Variants in ZZZ3 observed in about 807,000 individuals in gnomAD.
ZZZ3 encodes zinc finger ZZ-type containing 3, also known as ZZ-type zinc finger-containing protein 3.
Under a neutral mutation model 95.2 loss-of-function variants are expected in ZZZ3, and 22 were observed. That is an observed-to-expected ratio of 0.23 (90% CI 0.17 to 0.33). The LOEUF is 0.33. ZZZ3 is among the 10% of genes least tolerant of loss of function. ZZZ3 has a pLI of 1.00. For synonymous variants in ZZZ3, 335 were observed against 358.9 expected (o/e 0.93, Z 0.75); for missense variants, 885 against 1,066.5 (o/e 0.83, Z 2.37).
At chr1:77,658,178 CAAAAAAAAAA>C (rs1186224710) in intron 1 of ZZZ3, among the ~76,000 whole-genome samples, 3 of 76,324 alleles carry the variant, frequency 3.9e-5, no homozygotes, top group Admixed American at 1.7e-4. Flanking sequence ...GACTTTGTCT[CAAAAAAAAAA>C]AAAAAAAAAA....
Position 77,565,506 on chromosome 1 carries a change from A to G in ZZZ3, c.*134T>C. The G allele has an allele frequency of 1.1e-6, 1 of 893,968 alleles. No individual in the cohort carries two copies. The highest frequency in any genetic ancestry group is 1.7e-6 in the Non-Finnish European group (1 of 587,352). 55.4% of individuals were successfully genotyped at this position (893,968 alleles called of 1,614,324 possible). A position where few individuals can be genotyped will look rare whatever the true frequency, so the allele number is the denominator to read the frequency against. On this transcript the variant is annotated 3_prime_UTR_variant, in exon 15 of 15. Transcript: ENST00000370801. ...ACGGTGCAGAGCTGTACTTGACGAG[A>G]ACACTCAGGAAGCTCTCATGCTGTG... is the stretch of plus-strand genomic sequence containing the variant.
intron 1 of ZZZ3, among the ~76,000 whole-genome samples, chr1:77,654,495 T>C (rs1324284664): frequency 6.6e-6 from 1 of 152,020 alleles, no homozygotes; most frequent in Non-Finnish European, 1.5e-5. Context: ...ACAAACCAAA[T>C]ATAATAATAT....
chr1:77,681,588 A>G (rs1323976691), intron 1 of ZZZ3, among the ~76,000 whole-genome samples: 1 of 152,136 alleles, frequency 6.6e-6, no homozygotes, highest in African/African-American at 2.4e-5. Context: ...CTTTACTAAA[A>G]AGTTGACCTG....
intron 1 of ZZZ3, among the ~76,000 whole-genome samples, chr1:77,681,459 G>A: frequency 6.6e-6 from 1 of 152,040 alleles, no homozygotes; most frequent in East Asian, 1.9e-4. Context: ...AAAAAACAAA[G>A]GTATACTGTA....
intron 5 of ZZZ3, among the ~76,000 whole-genome samples, chr1:77,625,708 A>C (rs1340002858): frequency 6.6e-6 from 1 of 152,078 alleles, no homozygotes; most frequent in Non-Finnish European, 1.5e-5. Context: ...GAAAAGGTTA[A>C]GCCAGGCATG....
Position 77,562,529 on chromosome 1 carries a change from C to A in ZZZ3, c.*3111G>T, listed in dbSNP as rs917510686. On this transcript the variant is annotated 3_prime_UTR_variant, in exon 15 of 15. Transcript: ENST00000370801. ...ATGTGATGTACCATTTTCTCTATTC[C>A]ATTTTTTCAAATGTTCATACCTAGT... The A allele has an allele frequency of 2.0e-5, 3 of 152,080 alleles. No homozygotes were observed. Among genetic ancestry groups the A allele is most frequent in the Non-Finnish European group, 4.4e-5 (3 of 68,014 alleles). 9.4% of individuals were successfully genotyped at this position (152,080 alleles called of 1,614,324 possible).
intron 5 of ZZZ3, among the ~76,000 whole-genome samples, chr1:77,629,904 A>G (rs1053671122): frequency 2.0e-5 from 3 of 152,258 alleles, no homozygotes; most frequent in African/African-American, 7.2e-5. Context: ...TGAATGTGGA[A>G]TATCAATGTT....
At chr1:77,584,856 C>T in intron 5 of ZZZ3, 1 of 360,496 alleles carries the variant, frequency 2.8e-6, no homozygotes, top group Non-Finnish European at 4.9e-6. Flanking sequence ...TTAGAGAAAG[C>T]AAAGCCTTCT....
intron 1 of ZZZ3, among the ~76,000 whole-genome samples, chr1:77,648,340 T>A (rs1669481245): frequency 1.6e-5 from 2 of 127,892 alleles, no homozygotes; most frequent in Admixed American, 8.5e-5. Flanking sequence ...CAGAGTGAAA[T>A]CTTGCCTCAA....
chr1:77,566,246 C>T (rs1031031157), intron 13 of ZZZ3, 65 bp from the exon 14 acceptor site: 2 of 1,120,280 alleles, frequency 1.8e-6, no homozygotes, highest in East Asian at 2.6e-5. Flanking sequence ...TTATTTTCCA[C>T]AAGGAAACAC....
intron 4 of ZZZ3, among the ~76,000 whole-genome samples, chr1:77,636,782 T>C (rs1459824633): frequency 1.3e-5 from 2 of 150,150 alleles, no homozygotes; most frequent in Non-Finnish European, 3.0e-5. Flanking sequence ...GATTAAAATA[T>C]GAAAACACTG....
At chr1:77,601,012 A>T (rs1664679278) in intron 5 of ZZZ3, among the ~76,000 whole-genome samples, 1 of 152,212 alleles carries the variant, frequency 6.6e-6, no homozygotes, top group Non-Finnish European at 1.5e-5. Context: ...CAGAACAAGA[A>T]GAATGGATTA....
In ZZZ3 at chr1:77,565,625, A is replaced by G; in HGVS notation, c.*15T>C. The G allele has an allele frequency of 6.2e-7, 1 of 1,611,932 alleles. No homozygotes were observed. The highest frequency in any genetic ancestry group is 8.5e-7 in the Non-Finnish European group (1 of 1,178,854). On this transcript the variant is annotated 3_prime_UTR_variant, in exon 15 of 15. Transcript: ENST00000370801. ...ATGTGTTGAAGAGGACTAGTAAATG[A>G]TGTTCTCTTCCATGTCATCTGTTTG...
chr1:77,571,255 C>T (rs921086046), intron 12 of ZZZ3, among the ~76,000 whole-genome samples: 2 of 152,014 alleles, frequency 1.3e-5, no homozygotes, highest in Non-Finnish European at 2.9e-5. Context: ...AGTTAAATCA[C>T]CTCACACCCA....
chr1:77,672,764 C>T (rs993303804), intron 1 of ZZZ3, among the ~76,000 whole-genome samples: 3 of 152,176 alleles, frequency 2.0e-5, no homozygotes, highest in Non-Finnish European at 4.4e-5. Flanking sequence ...GTGGAAAATG[C>T]TCTGACTAGT....
intron 5 of ZZZ3, among the ~76,000 whole-genome samples, chr1:77,592,018 C>A (rs1663750703): frequency 6.6e-6 from 1 of 152,108 alleles, no homozygotes; most frequent in Admixed American, 6.5e-5. Flanking sequence ...GATAGATAGT[C>A]TCTCCCCATT....
intron 1 of ZZZ3, among the ~76,000 whole-genome samples, chr1:77,667,407 C>T (rs903294821): frequency 4.6e-5 from 7 of 152,100 alleles, no homozygotes; most frequent in African/African-American, 1.7e-4. Flanking sequence ...AGTATGAAAA[C>T]CCTTCTCCTA....
chr1:77,605,659 T>C (rs901116731), intron 5 of ZZZ3, among the ~76,000 whole-genome samples: 4 of 152,054 alleles, frequency 2.6e-5, no homozygotes, highest in South Asian at 2.1e-4. Context: ...CACAGTAGGA[T>C]AGGGAAACAG....
At chr1:77,668,515 T>G (rs1394176848) in intron 1 of ZZZ3, among the ~76,000 whole-genome samples, 1 of 152,150 alleles carries the variant, frequency 6.6e-6, no homozygotes, top group Non-Finnish European at 1.5e-5. Context: ...ACTCTCTATA[T>G]AAGTAGAAAG....
Sources: gnomAD v4.1 joint callset for allele counts (sites outside exome capture counted in the v4.1 genomes callset) on GRCh38, gnomAD v4.1.1 for gene constraint, MANE v1.5 for transcripts, NCBI Gene and HGNC (gene_info 2026-07-23, HGNC 2026-07-21) for gene names.